Variants in TRHDE observed in about 807,000 individuals in gnomAD.
The protein encoded by TRHDE is thyrotropin releasing hormone degrading enzyme, also known as thyrotropin-releasing hormone-degrading ectoenzyme.
In TRHDE, 72 loss-of-function variants were observed where a neutral mutation model predicts 125.7. The ratio of observed to expected loss-of-function variants is 0.57; its 90% CI spans 0.47 to 0.70. The LOEUF is 0.70. Ranked by LOEUF, TRHDE falls within the 30% of genes least tolerant of loss-of-function variation. The pLI is 0.00. For synonymous variants in TRHDE, 509 were observed against 509.1 expected (o/e 1.00, Z 0.00); for missense variants, 1,110 against 1,327.1 (o/e 0.84, Z 2.54).
At chr12:72,543,213 A>G (rs192656242) in intron 7 of TRHDE, among the ~76,000 whole-genome samples, 140 of 151,592 alleles carry the variant, frequency 9.2e-4, no homozygotes, top group African/African-American at 3.3e-3. Flanking sequence ...ATATTTTAGT[A>G]GTATAATTCT....
intron 2 of TRHDE, among the ~76,000 whole-genome samples, chr12:72,146,016 T>C (rs577479749): frequency 8.2e-4 from 125 of 152,322 alleles, no homozygotes; most frequent in African/African-American, 2.9e-3. Flanking sequence ...TTAAAATTCT[T>C]ATCTCCTACT....
chr12:72,178,095 C>T (rs532473045), intron 2 of TRHDE, among the ~76,000 whole-genome samples: 5 of 151,996 alleles, frequency 3.3e-5, no homozygotes, highest in Non-Finnish European at 5.9e-5. Flanking sequence ...ATGTTTGTGC[C>T]TTTGCTTTGA....
chr12:72,595,127 G>T (rs568819040), intron 12 of TRHDE, among the ~76,000 whole-genome samples: 5 of 107,198 alleles, frequency 4.7e-5, no homozygotes, highest in Non-Finnish European at 5.5e-5. Context: ...GTGGGGGGAG[G>T]GGGGAGGGAT....
chr12:72,227,977 A>G (rs1878168618), intron 2 of TRHDE, among the ~76,000 whole-genome samples: 1 of 152,186 alleles, frequency 6.6e-6, no homozygotes, highest in African/African-American at 2.4e-5. Context: ...TTTGCAGGAT[A>G]TAGACCCCCT....
At chr12:72,226,781 C>T (rs1016844190) in intron 2 of TRHDE, among the ~76,000 whole-genome samples, 1 of 152,168 alleles carries the variant, frequency 6.6e-6, no homozygotes, top group Admixed American at 6.5e-5. Flanking sequence ...AACAGACAAA[C>T]ATAACCTCTA....
intron 5 of TRHDE, 55 bp from the exon 6 acceptor site, chr12:72,499,443 T>C (rs962387042): frequency 3.2e-5 from 51 of 1,583,510 alleles, no homozygotes; most frequent in Non-Finnish European, 4.2e-5. Flanking sequence ...TGTCATCATA[T>C]ACATATGTCT....
rs1565669207 is a variant in TRHDE, at chr12:72,235,788, AC to A, written n.279+130037del. Among the ~76,000 whole-genome samples, 206 of 151,864 alleles carry A rather than the reference AC, an allele frequency of 1.4e-3. 2 individuals are homozygous for A. The highest frequency in any genetic ancestry group is 2.9e-3 in the Admixed American group (44 of 15,262). ...AGAGCACTATAGCCAAGCCCAAATT[AC>A]ACTAGCGTATTTAAGGCCTCTCCTC... On this transcript the variant is annotated intron_variant and non_coding_transcript_variant, in intron 2 of 4. Coordinates refer to the TRHDE transcript ENST00000548156.
At chr12:72,152,506 C>A (rs1422472631) in intron 2 of TRHDE, among the ~76,000 whole-genome samples, 5 of 152,114 alleles carry the variant, frequency 3.3e-5, no homozygotes, top group Non-Finnish European at 5.9e-5. Flanking sequence ...CAGTTTTTGT[C>A]CATTCAGTAT....
At chr12:72,107,828 T>C (rs1875223379) in intron 2 of TRHDE, among the ~76,000 whole-genome samples, 1 of 143,718 alleles carries the variant, frequency 7.0e-6, no homozygotes, top group Admixed American at 6.8e-5. Flanking sequence ...TTTTTTGAAA[T>C]CTAATTTAGA....
intron 5 of TRHDE, among the ~76,000 whole-genome samples, chr12:72,491,990 G>A (rs1297735319): frequency 1.3e-5 from 2 of 151,924 alleles, no homozygotes; most frequent in African/African-American, 2.4e-5. Flanking sequence ...CTTTTCAGTA[G>A]AATGCTTGTT....
chr12:72,166,471 C>T (rs907378525), intron 2 of TRHDE, among the ~76,000 whole-genome samples: 1 of 152,142 alleles, frequency 6.6e-6, no homozygotes, highest in Non-Finnish European at 1.5e-5. Context: ...AAGAACAGCT[C>T]TTGGTGTGCT....
chr12:72,273,714 G>C lies in TRHDE; in HGVS notation c.914+157G>C. 1.5e-6 allele frequency: 1 copy of C among 673,250 alleles called. No individual in the cohort carries two copies. Among genetic ancestry groups the C allele is most frequent in the Non-Finnish European group, 2.5e-6 (1 of 405,414 alleles). 41.7% of individuals were successfully genotyped at this position (673,250 alleles called of 1,614,324 possible). A position where few individuals can be genotyped will look rare whatever the true frequency, so the allele number is the denominator to read the frequency against. On this transcript the variant is annotated intron_variant, in intron 1 of 18. Transcript: ENST00000261180. This position sits in a 1 kb window ranked among gnomAD's most constrained non-coding sequence, Gnocchi z 5.3. ...AGCGGAGTAGGGCAGTCAGAACTCC[G>C]GGGTCTCCCAGATGCCTCGGGGTCT... is the stretch of plus-strand genomic sequence containing the variant.
intron 12 of TRHDE, among the ~76,000 whole-genome samples, chr12:72,582,990 G>T (rs182998343): frequency 3.3e-5 from 5 of 152,046 alleles, no homozygotes; most frequent in Non-Finnish European, 5.9e-5. Flanking sequence ...GAAATTATGA[G>T]CATTATTAAT....
chr12:72,327,570 A>T (rs184593647), intron 2 of TRHDE, among the ~76,000 whole-genome samples: 2 of 152,318 alleles, frequency 1.3e-5, no homozygotes, highest in East Asian at 3.9e-4. Flanking sequence ...CTATATTTAT[A>T]GTAACATTAG....
chr12:72,501,188 G>C (rs917910195), intron 6 of TRHDE, among the ~76,000 whole-genome samples: 2 of 151,702 alleles, frequency 1.3e-5, no homozygotes, highest in Admixed American at 1.3e-4. Flanking sequence ...TTGTCTTGCT[G>C]TACATAGAAT....
At chr12:72,394,848 T>C (rs1872731072) in intron 3 of TRHDE, among the ~76,000 whole-genome samples, 1 of 152,338 alleles carries the variant, frequency 6.6e-6, no homozygotes, top group African/African-American at 2.4e-5. Flanking sequence ...TCCTGCTTCC[T>C]CATCTTGGTT....
intron 15 of TRHDE, among the ~76,000 whole-genome samples, chr12:72,635,941 C>T (rs1267018221): frequency 6.6e-6 from 1 of 152,030 alleles, no homozygotes; most frequent in Non-Finnish European, 1.5e-5. Context: ...TAGCATGATG[C>T]CTCCAGCTTT....
intron 2 of TRHDE, among the ~76,000 whole-genome samples, chr12:72,183,512 G>A (rs1592473340): frequency 1.3e-5 from 2 of 152,200 alleles, no homozygotes; most frequent in South Asian, 2.1e-4. Context: ...ATTATAAAAT[G>A]GTCAAGTACA....
chr12:72,568,425 C>T (rs1870553461), intron 9 of TRHDE, 143 bp from the exon 10 acceptor site: 5 of 482,650 alleles, frequency 1.0e-5, no homozygotes, highest in East Asian at 9.3e-5. Context: ...TGACCTATGC[C>T]TTACTTTTGT....
Sources: allele counts gnomAD v4.1 joint callset (sites outside exome capture counted in the v4.1 genomes callset), GRCh38; gene constraint gnomAD v4.1.1; non-coding constraint Gnocchi (gnomAD v3.1); transcripts MANE v1.5; gene names NCBI Gene and HGNC (gene_info 2026-07-23, HGNC 2026-07-21).